Variants in SORCS2 observed in about 807,000 individuals in gnomAD.
The protein encoded by SORCS2 is sortilin related VPS10 domain containing receptor 2.
In SORCS2, 100 loss-of-function variants were observed where a neutral mutation model predicts 141.6. The observed-to-expected ratio is 0.71, with a 90% CI of 0.60 to 0.83. The LOEUF (loss-of-function observed/expected upper bound fraction) is 0.83. Among genes scored for constraint, SORCS2 ranks in the 40% least tolerant of loss-of-function variants. The pLI, the probability that SORCS2 is intolerant of heterozygous loss-of-function variation, is 0.00. For missense variants in SORCS2, 1,646 were observed against 1,560.2 expected (o/e 1.05, Z -0.93); for synonymous variants, 789 against 676.9 (o/e 1.17, Z -2.57).
intron 2 of SORCS2, among the ~76,000 whole-genome samples, chr4:7,472,448 G>C (rs563548258): frequency 9.8e-5 from 15 of 152,308 alleles, no homozygotes; most frequent in Admixed American, 8.5e-4. Flanking sequence ...AGAGCCTGCA[G>C]CTGGTCAGGG....
At chr4:7,628,327 C>T (rs573488441) in intron 3 of SORCS2, among the ~76,000 whole-genome samples, 2 of 152,200 alleles carry the variant, frequency 1.3e-5, no homozygotes, top group African/African-American at 4.8e-5. Context: ...TCCAGACCAT[C>T]CTGTGAATGG....
chr4:7,553,793 G>A (rs138421871), intron 3 of SORCS2, among the ~76,000 whole-genome samples: 2 of 152,324 alleles, frequency 1.3e-5, no homozygotes, highest in East Asian at 1.9e-4. Context: ...AATCATGACT[G>A]ATATTCGGGA....
intron 2 of SORCS2, among the ~76,000 whole-genome samples, chr4:7,436,224 G>A (rs991424897): frequency 2.6e-5 from 4 of 152,344 alleles, no homozygotes; most frequent in Admixed American, 2.6e-4. Context: ...GCACCTCCAG[G>A]TCATACCCCA....
chr4:7,472,599 C>G (rs1281940456), intron 2 of SORCS2, among the ~76,000 whole-genome samples: 3 of 152,132 alleles, frequency 2.0e-5, no homozygotes. Context: ...CCCTCCTGCC[C>G]CCTGCCGAAT....
At chr4:7,470,485 T>C (rs1421345114) in intron 2 of SORCS2, among the ~76,000 whole-genome samples, 1 of 152,190 alleles carries the variant, frequency 6.6e-6, no homozygotes, top group Non-Finnish European at 1.5e-5. Context: ...CATGGGTTCT[T>C]CATGGAGGCT....
At chr4:7,346,765 TCTTC>T (rs1284197981) in intron 1 of SORCS2, among the ~76,000 whole-genome samples, 22 of 152,360 alleles carry the variant, frequency 1.4e-4, no homozygotes, top group Admixed American at 7.8e-4. Context: ...GAAGGATTGA[TCTTC>T]CTTCTCTTTC....
At chr4:7,545,111 G>A (rs1713146601) in intron 3 of SORCS2, among the ~76,000 whole-genome samples, 1 of 148,104 alleles carries the variant, frequency 6.8e-6, no homozygotes. Context: ...CCCTCTTAAA[G>A]TCAATAGGTT....
intron 2 of SORCS2, among the ~76,000 whole-genome samples, chr4:7,522,088 T>G (rs1236085209): frequency 6.6e-6 from 1 of 152,194 alleles, no homozygotes; most frequent in Non-Finnish European, 1.5e-5. Flanking sequence ...TAACCCTTTG[T>G]TCAGATAGAA....
intron 14 of SORCS2, among the ~76,000 whole-genome samples, chr4:7,706,849 T>C (rs1453902376): frequency 6.6e-6 from 1 of 151,954 alleles, no homozygotes; most frequent in African/African-American, 2.4e-5. Flanking sequence ...TCTGCAGGGC[T>C]AGAGTATGTC....
At chr4:7,292,486 C>T (rs574722875) in intron 1 of SORCS2, among the ~76,000 whole-genome samples, 6 of 152,276 alleles carry the variant, frequency 3.9e-5, no homozygotes, top group African/African-American at 1.4e-4. Context: ...TTAGTGTGCT[C>T]TGGGGACCTG....
intron 1 of SORCS2, among the ~76,000 whole-genome samples, chr4:7,216,541 G>A (rs1728360326): frequency 6.6e-6 from 1 of 152,176 alleles, no homozygotes; most frequent in African/African-American, 2.4e-5. Context: ...GCTCCTTCAG[G>A]AGGCTCCAGG....
Position 7,664,261 on chromosome 4 carries a change from T to G in SORCS2, c.953-92T>G. 3 of 964,876 alleles carry G rather than the reference T, an allele frequency of 3.1e-6. No homozygotes were observed. Among genetic ancestry groups the G allele is most frequent in the Non-Finnish European group, 4.7e-6 (3 of 634,740 alleles). The allele number at this position is 964,876 out of a possible 1,614,324, so 59.8% of individuals were successfully genotyped here. On this transcript the variant is annotated intron_variant, in intron 6 of 26. Coordinates refer to ENST00000507866, the MANE Select transcript of SORCS2 (RefSeq NM_020777.3). This position sits in a 1 kb window ranked among gnomAD's most constrained non-coding sequence, Gnocchi z 4.7. ...AGCCCATGAAGCCACACCACAGCGG[T>G]ATTGGAGGAAGATGGAGTCCAGCAC...
intron 3 of SORCS2, among the ~76,000 whole-genome samples, chr4:7,567,542 C>T (rs1715110322): frequency 6.6e-6 from 1 of 152,086 alleles, no homozygotes; most frequent in Admixed American, 6.5e-5. Flanking sequence ...CAGTGCTGTC[C>T]CCATCGCATC....
At chr4:7,318,533 C>T (rs547520155) in intron 1 of SORCS2, among the ~76,000 whole-genome samples, 1 of 152,336 alleles carries the variant, frequency 6.6e-6, no homozygotes, top group South Asian at 2.1e-4. Context: ...GTGCAACTCA[C>T]TTTAACTCTT....
chr4:7,329,395 C>T (rs1719497969), intron 1 of SORCS2, among the ~76,000 whole-genome samples: 1 of 152,230 alleles, frequency 6.6e-6, no homozygotes, highest in South Asian at 2.1e-4. Flanking sequence ...GAGGACACCT[C>T]CCGGGCCAGC....
rs774569725 is a variant in SORCS2, at chr4:7,726,875, G to A, written c.2841G>A (p.Leu947=). 2 of 1,613,802 alleles carry A rather than the reference G, an allele frequency of 1.2e-6. No homozygotes were observed. The highest frequency in any genetic ancestry group is 2.2e-5 in the East Asian group (1 of 44,874). ...TVQAACGNSV[L]QDSRVLRVLD... Reference sequence around the variant, plus strand: ...AGGCCGCCTGTGGGAACTCGGTGCTGCAGGACTCCAGGGTCCTCCGTGTGC... The same window carrying A: ...AGGCCGCCTGTGGGAACTCGGTGCTACAGGACTCCAGGGTCCTCCGTGTGC... The change falls in exon 21 of 27, where the codon CTG becomes CTA. Residue 947 remains leucine (L), a synonymous_variant. Coordinates refer to ENST00000507866, the MANE Select transcript of SORCS2 (RefSeq NM_020777.3).
chr4:7,192,739 G>GCGCTCGCCC lies in SORCS2; in HGVS notation c.100_101insCCCGCTCGC (p.Pro31_Ser33dup). 1.0e-6 allele frequency: 1 copy of GCGCTCGCCC among 993,638 alleles called. No individual in the cohort carries two copies. The highest frequency in any genetic ancestry group is 1.8e-5 in the African/African-American group (1 of 56,908). The allele number at this position is 993,638 out of a possible 1,614,324, so 61.6% of individuals were successfully genotyped here. A position where few individuals can be genotyped will look rare whatever the true frequency, so the allele number is the denominator to read the frequency against. ...GGGCTCCGCCGCCGCCGCGCTCGCC[G>GCGCTCGCCC]CGCTCGCGGCCGCTCCTGCTGCTGC... On this transcript the variant is annotated inframe_insertion, in exon 1 of 27. Coordinates refer to ENST00000507866, the MANE Select transcript of SORCS2 (RefSeq NM_020777.3). The surrounding 1 kb of genome is among the most constrained non-coding windows in gnomAD (Gnocchi z 4.0).
intron 1 of SORCS2, among the ~76,000 whole-genome samples, chr4:7,292,474 A>C (rs1716679882): frequency 6.6e-6 from 1 of 150,552 alleles, no homozygotes; most frequent in African/African-American, 2.4e-5. Context: ...TTGTGTTCAC[A>C]GTTAGTGTGC....
intron 1 of SORCS2, among the ~76,000 whole-genome samples, chr4:7,273,177 C>G (rs569088666): frequency 1.3e-5 from 2 of 152,304 alleles, no homozygotes; most frequent in African/African-American, 4.8e-5. Flanking sequence ...TGAATATTTA[C>G]AAAGACACAA....
Sources: gnomAD v4.1 joint callset for allele counts (sites outside exome capture counted in the v4.1 genomes callset) on GRCh38, gnomAD v4.1.1 for gene constraint, Gnocchi (gnomAD v3.1) non-coding constraint, MANE v1.5 for transcripts, NCBI Gene and HGNC (gene_info 2026-07-23, HGNC 2026-07-21) for gene names.